CLMN: variants seen among roughly 807,000 people sequenced by gnomAD.
CLMN encodes the protein calmin (calponin-like, transmembrane).
Under a neutral mutation model 92.7 loss-of-function variants are expected in CLMN, and 57 were observed. That is an observed-to-expected ratio of 0.61 (90% CI 0.50 to 0.77). The LOEUF (loss-of-function observed/expected upper bound fraction) is 0.77. CLMN is among the 30% of genes least tolerant of loss of function. CLMN has a pLI of 0.00. For synonymous variants in CLMN, 466 were observed against 470.6 expected (o/e 0.99, Z 0.13); for missense variants, 1,158 against 1,237.5 (o/e 0.94, Z 0.96).
At chr14:95,308,914 T>C (rs1901404859) in intron 1 of CLMN, among the ~76,000 whole-genome samples, 1 of 152,156 alleles carries the variant, frequency 6.6e-6, no homozygotes. Flanking sequence ...ATTTCATCCT[T>C]GTTTTATAAA....
At chr14:95,287,800 C>G (rs551656028) in intron 1 of CLMN, among the ~76,000 whole-genome samples, 1 of 152,332 alleles carries the variant, frequency 6.6e-6, no homozygotes, top group African/African-American at 2.4e-5. Flanking sequence ...CCAAGGTCAT[C>G]AGCCTCTCTC....
intron 12 of CLMN, chr14:95,193,328 C>T: frequency 6.5e-7 from 1 of 1,533,092 alleles, no homozygotes; most frequent in Non-Finnish European, 8.7e-7. Context: ...CTTTCATAGA[C>T]ATCCTGGCAT....
chr14:95,191,965 T>C lies in CLMN; in HGVS notation c.2841-233A>G, dbSNP rs143676175. 0.013 allele frequency: 5,423 copies of C among 413,518 alleles called. 57 individuals carry two copies. Among genetic ancestry groups the C allele is most frequent in the Non-Finnish European group, 0.019 (4,330 of 232,086 alleles). The allele number at this position is 413,518 out of a possible 1,614,324, so 25.6% of individuals were successfully genotyped here. A position where few individuals can be genotyped will look rare whatever the true frequency, so the allele number is the denominator to read the frequency against. On this transcript the variant is annotated intron_variant, in intron 12 of 12. Transcript: ENST00000298912. This position sits in a 1 kb window ranked among gnomAD's most constrained non-coding sequence, Gnocchi z 5.3. ...ACGTACTCCGTTCATCTCCATAACA[T>C]CAGGTGAGAGGAGGTGGCAGCCCCA...
In CLMN at chr14:95,244,764, C is replaced by T. The variant is rs963716943; in HGVS notation, c.83-14631G>A. Among the ~76,000 whole-genome samples, 4 of 151,990 alleles carry T rather than the reference C, an allele frequency of 2.6e-5. No individual in the cohort carries two copies. In the East Asian group the frequency reaches 7.8e-4, roughly 30 times the overall value. ...CATCTATGCAGGAGATGAGAACACA[C>T]TAGTGCGCTAAAAGAAGGACATATC... is the stretch of plus-strand genomic sequence containing the variant. On this transcript the variant is annotated intron_variant, in intron 1 of 12. Transcript: ENST00000298912.
Position 95,186,952 on chromosome 14 carries a change from G to A in CLMN, c.*4612C>T, listed in dbSNP as rs1896455621. ...AGACTATATCTTTGGGGAGGCAGGA[G>A]ATCTAAGATCATTTACTGACAATAG... On this transcript the variant is annotated 3_prime_UTR_variant, in exon 13 of 13. Coordinates refer to ENST00000298912, the MANE Select transcript of CLMN (RefSeq NM_024734.4). 1 of 152,206 alleles carries A rather than the reference G, an allele frequency of 6.6e-6. No homozygotes were observed. The highest frequency in any genetic ancestry group is 2.1e-4 in the South Asian group (1 of 4,832). The allele number at this position is 152,206 out of a possible 1,614,324, so 9.4% of individuals were successfully genotyped here.
At chr14:95,242,574 C>CTCTCTTTTTTTTTTT (rs1898292886) in intron 1 of CLMN, among the ~76,000 whole-genome samples, 1 of 119,856 alleles carries the variant, frequency 8.3e-6, no homozygotes, top group African/African-American at 3.1e-5. Flanking sequence ...ATCTCTTTTT[C>CTCTCTTTTTTTTTTT]TTTTTTTTTG....
At chr14:95,213,161 C>T (rs1897244703) in intron 6 of CLMN, 58 bp downstream of exon 6, 2 of 1,551,682 alleles carry the variant, frequency 1.3e-6, no homozygotes, top group Non-Finnish European at 1.8e-6. Context: ...TTCTCCTTTC[C>T]TCTGCCTGAA....
chr14:95,312,406 G>A (rs1901579526), intron 1 of CLMN, among the ~76,000 whole-genome samples: 1 of 152,186 alleles, frequency 6.6e-6, no homozygotes, highest in Non-Finnish European at 1.5e-5. Flanking sequence ...TGGAGAAGAA[G>A]GCTGGGCTGC....
intron 4 of CLMN, among the ~76,000 whole-genome samples, chr14:95,221,176 C>G (rs1286156186): frequency 6.6e-6 from 1 of 152,148 alleles, no homozygotes; most frequent in African/African-American, 2.4e-5. Context: ...GAGCCACCCC[C>G]TCCCCTCTGT....
intron 12 of CLMN, chr14:95,192,414 C>T (rs1324305620): frequency 6.6e-6 from 1 of 152,116 alleles, no homozygotes; most frequent in Non-Finnish European, 1.5e-5. Context: ...ATAGGGAAGC[C>T]CAGAAGGTTT....
intron 1 of CLMN, among the ~76,000 whole-genome samples, chr14:95,269,930 T>G (rs1020099045): frequency 2.0e-5 from 3 of 151,038 alleles, no homozygotes; most frequent in Non-Finnish European, 4.4e-5. Flanking sequence ...GCCCCTGCAG[T>G]GGACTTCATG....
intron 1 of CLMN, among the ~76,000 whole-genome samples, chr14:95,233,251 A>C (rs1302860902): frequency 6.6e-6 from 1 of 152,140 alleles, no homozygotes; most frequent in Non-Finnish European, 1.5e-5. Context: ...GTTTAACTAC[A>C]CTCAAGGGTG....
At chr14:95,310,061 C>T (rs1421332044) in intron 1 of CLMN, among the ~76,000 whole-genome samples, 3 of 152,124 alleles carry the variant, frequency 2.0e-5, no homozygotes, top group Non-Finnish European at 2.9e-5. Flanking sequence ...GTGTCCCCTC[C>T]AAATCTCAGG....
chr14:95,224,095 C>T (rs749078231), intron 2 of CLMN, among the ~76,000 whole-genome samples: 4 of 152,224 alleles, frequency 2.6e-5, no homozygotes, highest in Non-Finnish European at 5.9e-5. Context: ...GGGGGCTGAT[C>T]GACAAGTGGC....
chr14:95,301,198 C>G (rs1027948810), intron 1 of CLMN, among the ~76,000 whole-genome samples: 1 of 152,214 alleles, frequency 6.6e-6, no homozygotes, highest in African/African-American at 2.4e-5. Flanking sequence ...AGCTGCACAT[C>G]AAAGAGTCTT....
intron 1 of CLMN, among the ~76,000 whole-genome samples, chr14:95,240,898 C>T (rs776051027): frequency 2.6e-5 from 4 of 152,104 alleles, no homozygotes; most frequent in Non-Finnish European, 5.9e-5. Flanking sequence ...GGCACCTTGC[C>T]GGGCTGCTTG....
chr14:95,265,703 G>A (rs1164396711), intron 1 of CLMN, among the ~76,000 whole-genome samples: 1 of 152,214 alleles, frequency 6.6e-6, no homozygotes, highest in Admixed American at 6.5e-5. Context: ...AGCTGGCTAG[G>A]ATCAGAAGAA....
chr14:95,210,332 G>A (rs1030437933), intron 7 of CLMN, among the ~76,000 whole-genome samples: 1 of 151,794 alleles, frequency 6.6e-6, no homozygotes, highest in East Asian at 1.9e-4. Flanking sequence ...GATTATAGGC[G>A]TGAGCCACCA....
At chr14:95,245,207 ATT>A (rs1566890897) in intron 1 of CLMN, among the ~76,000 whole-genome samples, 4 of 24,510 alleles carry the variant, frequency 1.6e-4, no homozygotes, top group African/African-American at 5.7e-4. Flanking sequence ...ATATATATAT[ATT>A]ATATATATAT....
Sources: allele counts gnomAD v4.1 joint callset (sites outside exome capture counted in the v4.1 genomes callset), GRCh38; gene constraint gnomAD v4.1.1; non-coding constraint Gnocchi (gnomAD v3.1); transcripts MANE v1.5; gene names NCBI Gene and HGNC (gene_info 2026-07-23, HGNC 2026-07-21).